Variants in RGS7 observed in about 807,000 individuals in gnomAD.
RGS7 encodes regulator of G protein signaling 7, also known as regulator of G-protein signaling 7.
A neutral mutation model predicts 81.1 loss-of-function variants in RGS7; 27 were observed. The ratio of observed to expected loss-of-function variants is 0.33; its 90% CI spans 0.25 to 0.46. RGS7 has a LOEUF of 0.46. Among genes scored for constraint, RGS7 ranks in the 20% least tolerant of loss-of-function variants. The probability of loss-of-function intolerance (pLI) is 1.00; values close to 1 mark genes in which losing one functional copy is unlikely to be tolerated. For synonymous variants in RGS7, 208 were observed against 207.7 expected (o/e 1.00, Z -0.01); for missense variants, 396 against 607.4 (o/e 0.65, Z 3.66).
At position 241,135,979 on chromosome 1, in the gene RGS7, AGTTT is replaced by A. The variant is rs1420592914; in HGVS notation, c.79-37221_79-37218del. ...TAATGACAAAAAAAAAAAAAAAACTAGTTTGTTATTCTAAGAAAGACATATTTGA... is the reference window on the plus strand; with the variant it reads ...TAATGACAAAAAAAAAAAAAAAACTAGTTATTCTAAGAAAGACATATTTGA... On this transcript the variant is annotated intron_variant, in intron 2 of 18. Coordinates refer to ENST00000440928, the MANE Select transcript of RGS7 (RefSeq NM_001364886.1). Among the ~76,000 whole-genome samples the A allele has an allele frequency of 6.0e-5, 9 of 151,014 alleles. No individual in the cohort carries two copies. The South Asian group carries it at 1.7e-3, about 28-fold the overall frequency.
chr1:241,212,547 G>A (rs1241897716), intron 2 of RGS7, among the ~76,000 whole-genome samples: 3 of 152,162 alleles, frequency 2.0e-5, no homozygotes, highest in African/African-American at 4.8e-5. Flanking sequence ...TGGAGGAAAA[G>A]GTGGGCTTAC....
chr1:240,832,512 G>C (rs1400924875), intron 9 of RGS7, among the ~76,000 whole-genome samples: 1 of 152,156 alleles, frequency 6.6e-6, no homozygotes, highest in African/African-American at 2.4e-5. Context: ...GTCCTCATGA[G>C]GTGCAAAAGA....
intron 2 of RGS7, among the ~76,000 whole-genome samples, chr1:241,247,365 G>A (rs770449383): frequency 2.6e-5 from 4 of 152,136 alleles, no homozygotes; most frequent in Admixed American, 6.5e-5. Context: ...AGTTGAAATC[G>A]TAGGAAGAAA....
At chr1:241,237,905 A>G (rs11589937) in intron 2 of RGS7, among the ~76,000 whole-genome samples, 18,705 of 152,218 alleles carry the variant, frequency 0.12, 1,335 homozygotes, top group Middle Eastern at 0.18. Flanking sequence ...GAGAATTCCG[A>G]CTGAGGCAAA....
At chr1:241,103,004 A>G (rs192971539) in intron 2 of RGS7, among the ~76,000 whole-genome samples, 2 of 135,836 alleles carry the variant, frequency 1.5e-5, no homozygotes, top group Non-Finnish European at 3.2e-5. Context: ...AAATGCTACA[A>G]GCAAGCAAAA....
chr1:241,062,543 A>G (rs1218776725), intron 3 of RGS7, among the ~76,000 whole-genome samples: 3 of 152,234 alleles, frequency 2.0e-5, no homozygotes, highest in Non-Finnish European at 4.4e-5. Context: ...AGCATTTCAT[A>G]TGGGAGCAAT....
intron 6 of RGS7, among the ~76,000 whole-genome samples, chr1:240,876,286 C>T (rs764223307): frequency 7.9e-5 from 12 of 152,126 alleles, no homozygotes; most frequent in African/African-American, 1.9e-4. Context: ...TGAGATAAGG[C>T]GCGGTCACCC....
At chr1:240,874,839 G>A (rs558204913) in intron 6 of RGS7, among the ~76,000 whole-genome samples, 39 of 152,168 alleles carry the variant, frequency 2.6e-4, no homozygotes, top group Admixed American at 4.6e-4. Context: ...TCAGGAGCTC[G>A]AGACCAACCT....
At chr1:241,251,526 T>C (rs73122041) in intron 2 of RGS7, among the ~76,000 whole-genome samples, 1,783 of 152,098 alleles carry the variant, frequency 0.012, 16 homozygotes, top group African/African-American at 0.025. Context: ...CTTTTTTTTT[T>C]CCAGATGGAG....
chr1:240,776,086 C>T lies in RGS7; in HGVS notation c.*134G>A. 1 of 1,102,688 alleles carries T rather than the reference C, an allele frequency of 9.1e-7. No individual in the cohort carries two copies. Among genetic ancestry groups the T allele is most frequent in the Non-Finnish European group, 1.4e-6 (1 of 713,178 alleles). The allele number at this position is 1,102,688 out of a possible 1,614,324, so 68.3% of individuals were successfully genotyped here. ...ATGCAACATCTTGTTCTAATGTCCT[C>T]TGCTCCAGGTCACAACATTGAGCTA... On this transcript the variant is annotated 3_prime_UTR_variant, in exon 19 of 19. Coordinates refer to ENST00000440928, the MANE Select transcript of RGS7 (RefSeq NM_001364886.1).
chr1:240,963,928 C>G (rs1681878836), intron 4 of RGS7, among the ~76,000 whole-genome samples: 6 of 152,206 alleles, frequency 3.9e-5, no homozygotes, highest in Admixed American at 3.9e-4. Flanking sequence ...GGGTGGATCA[C>G]TTGAAGCCAG....
rs138116326 is a variant in RGS7 at position 241,202,011 on chromosome 1, G to GAAGAAC, written c.79-103250_79-103249insGTTCTT. 6.8e-3 allele frequency among the ~76,000 whole-genome samples: 992 copies of GAAGAAC among 145,054 alleles called. 15 individuals carry two copies. The highest frequency in any genetic ancestry group is 0.023 in the African/African-American group (892 of 38,426). The stretch of plus-strand genomic sequence containing the variant: ...CCCTGCAAACACACAGACACACACA[G>GAAGAAC]ACACACACACACACACACACACACA... On this transcript the variant is annotated intron_variant, in intron 2 of 18. Coordinates refer to ENST00000440928, the MANE Select transcript of RGS7 (RefSeq NM_001364886.1).
chr1:240,979,957 G>C (rs147303459), intron 4 of RGS7, among the ~76,000 whole-genome samples: 1 of 151,996 alleles, frequency 6.6e-6, no homozygotes, highest in African/African-American at 2.4e-5. Flanking sequence ...AAGAAGAAAT[G>C]GAATTTTCCT....
At chr1:240,919,124 A>T (rs1673075786) in intron 6 of RGS7, among the ~76,000 whole-genome samples, 1 of 152,182 alleles carries the variant, frequency 6.6e-6, no homozygotes, top group Non-Finnish European at 1.5e-5. Flanking sequence ...CACCAAGCCC[A>T]GATAACTTCA....
intron 2 of RGS7, among the ~76,000 whole-genome samples, chr1:241,248,692 A>C (rs1232825143): frequency 6.6e-6 from 1 of 152,080 alleles, no homozygotes; most frequent in African/African-American, 2.4e-5. Flanking sequence ...GAGTGAACAT[A>C]TGCATCCTTA....
Position 241,160,965 on chromosome 1 carries a change from G to T in RGS7, c.79-62203C>A, listed in dbSNP as rs552888883. On this transcript the variant is annotated intron_variant, in intron 2 of 18. Transcript: ENST00000440928. ...GGATAATGCATTTTGAATCCGGTTA[G>T]ACATTAATTATTAGGTTGGGGCAAA... Among the ~76,000 whole-genome samples, 10 of 152,144 alleles carry T rather than the reference G, an allele frequency of 6.6e-5. No individual in the cohort carries two copies. The South Asian group carries it at 2.1e-3, about 32-fold the overall frequency.
At chr1:241,135,078 T>C (rs1163043375) in intron 2 of RGS7, among the ~76,000 whole-genome samples, 1 of 152,120 alleles carries the variant, frequency 6.6e-6, no homozygotes, top group African/African-American at 2.4e-5. Flanking sequence ...CTGTCCTCAT[T>C]TGGGGCTGAC....
intron 2 of RGS7, among the ~76,000 whole-genome samples, chr1:241,219,914 A>G (rs1427192923): frequency 5.9e-5 from 9 of 152,230 alleles, no homozygotes; most frequent in Admixed American, 5.9e-4. Context: ...TCAAGGAAGC[A>G]GATGGCTTGC....
chr1:240,949,734 G>T (rs1679232489), intron 4 of RGS7, among the ~76,000 whole-genome samples: 1 of 151,594 alleles, frequency 6.6e-6, no homozygotes, highest in Non-Finnish European at 1.5e-5. Flanking sequence ...TGTAGTACCA[G>T]CTGCTCGGGA....
Sources: allele counts gnomAD v4.1 joint callset (sites outside exome capture counted in the v4.1 genomes callset), GRCh38; gene constraint gnomAD v4.1.1; transcripts MANE v1.5; gene names NCBI Gene and HGNC (gene_info 2026-07-23, HGNC 2026-07-21).